The following PRR16 variants were observed in gnomAD, a reference collection of about 807,000 sequenced individuals.
PRR16 encodes the protein proline rich 16, also known as protein Largen.
PRR16 carries 6 observed loss-of-function variants against 18.2 expected under a neutral mutation model. The observed-to-expected ratio is 0.33, with a 90% CI of 0.18 to 0.65. PRR16 has a LOEUF of 0.65. PRR16 is among the 30% of genes least tolerant of loss of function. The pLI, the probability that PRR16 is intolerant of heterozygous loss-of-function variation, is 0.74. For missense variants in PRR16, 412 were observed against 376.6 expected (o/e 1.09, Z -0.78); for synonymous variants, 151 against 147.8 (o/e 1.02, Z -0.16).
At chr5:120,675,829 T>C (rs191554321) in intron 1 of PRR16, among the ~76,000 whole-genome samples, 2 of 152,274 alleles carry the variant, frequency 1.3e-5, no homozygotes, top group Admixed American at 1.3e-4. Context: ...TTACTTGCTT[T>C]TGACCAAAAA....
At chr5:120,708,682 A>C in the PRR16 span, among the ~76,000 whole-genome samples, 1 of 152,192 alleles carries the variant, frequency 6.6e-6, no homozygotes, top group Non-Finnish European at 1.5e-5. Context: ...TTGTGGATTA[A>C]GCATTTCAGT....
At chr5:120,487,456 A>G (rs368830213) in intron 1 of PRR16, among the ~76,000 whole-genome samples, 3 of 152,100 alleles carry the variant, frequency 2.0e-5, no homozygotes, top group Non-Finnish European at 4.4e-5. Flanking sequence ...TTTGTCTGTT[A>G]TTGGTGTATA....
downstream of PRR16, among the ~76,000 whole-genome samples, chr5:120,690,445 T>A (rs562046169): frequency 9.3e-4 from 142 of 152,322 alleles, no homozygotes; most frequent in African/African-American, 3.3e-3. Flanking sequence ...CCCCAGCACA[T>A]TTTGCTATAG....
intron 1 of PRR16, among the ~76,000 whole-genome samples, chr5:120,483,871 T>G (rs975118479): frequency 2.0e-5 from 3 of 152,110 alleles, no homozygotes; most frequent in Non-Finnish European, 4.4e-5. Context: ...CTTAACAAAT[T>G]TGCATGAAGA....
rs192592104 is a variant in PRR16 at position 120,514,830 on chromosome 5, C to T, written c.159+50185C>T. Among the ~76,000 whole-genome samples, 141 of 152,284 alleles carry T rather than the reference C, an allele frequency of 9.3e-4. 1 individual carries two copies. Among genetic ancestry groups the T allele is most frequent in the Middle Eastern group, 3.4e-3 (1 of 294 alleles). On this transcript the variant is annotated intron_variant, in intron 1 of 1. Transcript: ENST00000407149. The stretch of plus-strand genomic sequence containing the variant: ...TTTCTTTCTTTCTTCTGAGCTCTCA[C>T]CTGAATTACCACTGATGCTCTGTTT...
the PRR16 span, among the ~76,000 whole-genome samples, chr5:120,771,109 A>T: frequency 6.6e-6 from 1 of 152,088 alleles, no homozygotes; most frequent in South Asian, 2.1e-4. Flanking sequence ...AGTAAGTTAG[A>T]TGTATTTTTG....
rs1290809584 is a variant in PRR16 at position 120,505,921 on chromosome 5, TA to T, written c.159+41277del. On this transcript the variant is annotated intron_variant, in intron 1 of 1. Transcript: ENST00000407149. Reference sequence around the variant, plus strand: ...TATATATATACATACATAGGGATGATATATATGTGTGTATGTGTGTGTGTGT... The same window carrying T: ...TATATATATACATACATAGGGATGATTATATGTGTGTATGTGTGTGTGTGT... 7.6e-5 allele frequency among the ~76,000 whole-genome samples: 11 copies of T among 144,138 alleles called. No homozygotes were observed. The South Asian group carries it at 2.4e-3, about 32-fold the overall frequency. 94.6% of individuals were successfully genotyped at this position (144,138 alleles called of 152,430 possible).
At chr5:120,763,967 TAGGATCGTCTAAATGTAAG>T in the PRR16 span, among the ~76,000 whole-genome samples, 1 of 152,232 alleles carries the variant, frequency 6.6e-6, no homozygotes, top group South Asian at 2.1e-4. Context: ...GTGGAATCTG[TAGGATCGTCTAAATGTAAG>T]AGGATCCTCT....
the PRR16 span, among the ~76,000 whole-genome samples, chr5:120,733,561 A>C: frequency 6.6e-6 from 1 of 152,116 alleles, no homozygotes; most frequent in East Asian, 1.9e-4. Flanking sequence ...GTATTGCTGA[A>C]AATTATTTAA....
chr5:120,514,058 A>G (rs2112860784), intron 1 of PRR16, among the ~76,000 whole-genome samples: 1 of 152,158 alleles, frequency 6.6e-6, no homozygotes, highest in Non-Finnish European at 1.5e-5. Flanking sequence ...GCACCTTGCC[A>G]CATCTGTTTT....
intron 1 of PRR16, among the ~76,000 whole-genome samples, chr5:120,524,694 G>A (rs963378042): frequency 6.6e-6 from 1 of 152,018 alleles, no homozygotes; most frequent in African/African-American, 2.4e-5. Flanking sequence ...TGGGTTGTTT[G>A]TAACACAAAG....
intron 1 of PRR16, among the ~76,000 whole-genome samples, chr5:120,511,929 G>A (rs1207227531): frequency 1.3e-5 from 2 of 152,148 alleles, no homozygotes; most frequent in Admixed American, 6.6e-5. Flanking sequence ...AAAATGAAGA[G>A]CTATTGTTTT....
chr5:120,506,921 G>A lies in PRR16; in HGVS notation c.159+42276G>A, dbSNP rs528175172. 9.9e-5 allele frequency among the ~76,000 whole-genome samples: 15 copies of A among 152,210 alleles called. No homozygotes were observed. In the South Asian group the frequency reaches 3.1e-3, roughly 32 times the overall value. ...ACAGTGGGGTCCCAAGATCAGAAGG[G>A]AGGCTAATGGGGGTCAGTATTTTAG... On this transcript the variant is annotated intron_variant, in intron 1 of 1. Transcript: ENST00000407149.
At chr5:120,541,738 G>T (rs1399182665) in intron 1 of PRR16, among the ~76,000 whole-genome samples, 1 of 151,978 alleles carries the variant, frequency 6.6e-6, no homozygotes, top group African/African-American at 2.4e-5. Context: ...AAAGAATTGT[G>T]GCTCTAGATA....
intron 1 of PRR16, among the ~76,000 whole-genome samples, chr5:120,512,424 T>C (rs559980100): frequency 6.6e-6 from 1 of 152,122 alleles, no homozygotes; most frequent in Non-Finnish European, 1.5e-5. Context: ...AGACTCTTGC[T>C]CTGAGATGAG....
intron 1 of PRR16, among the ~76,000 whole-genome samples, chr5:120,663,203 C>A (rs1347197118): frequency 6.7e-6 from 1 of 149,418 alleles, no homozygotes; most frequent in African/African-American, 2.4e-5. Context: ...AGATAAAACC[C>A]CCCTTTTTTT....
chr5:120,615,298 A>G (rs1754469122), intron 1 of PRR16, among the ~76,000 whole-genome samples: 1 of 151,830 alleles, frequency 6.6e-6, no homozygotes, highest in African/African-American at 2.4e-5. Flanking sequence ...GTGTCTCGAT[A>G]TGAAGAACAC....
chr5:120,688,561 A>ATCATAT (rs1267561564), downstream of PRR16, among the ~76,000 whole-genome samples: 1 of 152,194 alleles, frequency 6.6e-6, no homozygotes, highest in Non-Finnish European at 1.5e-5. Flanking sequence ...CCAGGGTTTT[A>ATCATAT]TCATATTTCT....
intron 1 of PRR16, among the ~76,000 whole-genome samples, chr5:120,573,125 A>C (rs1752959102): frequency 6.6e-6 from 1 of 152,176 alleles, no homozygotes; most frequent in African/African-American, 2.4e-5. Context: ...ATGTAGGGCC[A>C]TGGGCATTTG....
Sources: allele counts gnomAD v4.1 joint callset (sites outside exome capture counted in the v4.1 genomes callset), GRCh38; gene constraint gnomAD v4.1.1; transcripts MANE v1.5; gene names NCBI Gene and HGNC (gene_info 2026-07-23, HGNC 2026-07-21).